The following SLC13A4 variants were observed in gnomAD, a reference collection of about 807,000 sequenced individuals.
The protein encoded by SLC13A4 is solute carrier family 13 member 4.
Under a neutral mutation model 72.7 loss-of-function variants are expected in SLC13A4, and 28 were observed. The observed-to-expected ratio is 0.39, with a 90% CI of 0.29 to 0.53. The LOEUF is 0.53. SLC13A4 is among the 20% of genes least tolerant of loss of function. The pLI is 0.78. For synonymous variants in SLC13A4, 312 were observed against 325.5 expected, an observed-to-expected ratio of 0.96 and a Z score of 0.45; for missense variants, 653 against 788.0, an observed-to-expected ratio of 0.83 and a Z score of 2.05.
chr7:135,719,678 C>T (rs139821460), intron 2 of SLC13A4, among the ~76,000 whole-genome samples: 3 of 152,108 alleles, frequency 2.0e-5, no homozygotes, highest in East Asian at 1.9e-4. Context: ...TGGGTCCCCA[C>T]GATATTGGGG....
At chr7:135,724,105 AC>A (rs1380535749) in intron 1 of SLC13A4, among the ~76,000 whole-genome samples, 1 of 152,174 alleles carries the variant, frequency 6.6e-6, no homozygotes, top group African/African-American at 2.4e-5. Context: ...CTCACTGGGG[AC>A]CCTTATTTCT....
intron 1 of SLC13A4, among the ~76,000 whole-genome samples, chr7:135,724,561 T>G (rs1006259544): frequency 2.0e-5 from 3 of 150,830 alleles, no homozygotes; most frequent in Non-Finnish European, 4.4e-5. Flanking sequence ...GGACTTTCCC[T>G]CTGCCAGGTG....
chr7:135,693,907 C>T (rs1795846518), intron 10 of SLC13A4, among the ~76,000 whole-genome samples: 1 of 152,200 alleles, frequency 6.6e-6, no homozygotes, highest in African/African-American at 2.4e-5. Context: ...CACTCCACCC[C>T]ATGCCATGGC....
intron 10 of SLC13A4, 82 bp from the exon 11 acceptor site, chr7:135,692,506 A>G: frequency 2.0e-6 from 2 of 978,140 alleles, no homozygotes; most frequent in Non-Finnish European, 3.1e-6. Flanking sequence ...AAGCTTCTGT[A>G]TTTAGAGTTT....
In SLC13A4 at chr7:135,685,556, G is replaced by C; in HGVS notation, c.1574C>G (p.Thr525Ser). The C allele has an allele frequency of 6.2e-7, 1 of 1,614,192 alleles. No homozygotes were observed. Among genetic ancestry groups the C allele is most frequent in the South Asian group, 1.1e-5 (1 of 91,082 alleles). Residue 525 changes from threonine to serine, a missense_variant, in exon 14 of 16, where the codon ACC becomes AGC. Physicochemically the swap from Thr to Ser is moderately conservative, Grantham distance 58. Transcript: ENST00000682651. ...IVTEFVSNPA[T>S]ITIFLPILCS... ...CAGGATGGGCAGGAAGATGGTGATGGTTGCTGGGTTGCTCACAAACTCAGT... is the reference window on the plus strand; with the variant it reads ...CAGGATGGGCAGGAAGATGGTGATGCTTGCTGGGTTGCTCACAAACTCAGT...
At chr7:135,684,300 G>T (rs200678196) in intron 14 of SLC13A4, 39 bp from the exon 15 acceptor site, 11 of 1,566,090 alleles carry the variant, frequency 7.0e-6, no homozygotes, top group Non-Finnish European at 9.6e-6. Context: ...ACGAGATTAG[G>T]CTTGCATTTC....
At chr7:135,695,304 A>G in intron 9 of SLC13A4, 64 bp downstream of exon 9, 4 of 1,604,504 alleles carry the variant, frequency 2.5e-6, no homozygotes, top group Non-Finnish European at 3.4e-6. Flanking sequence ...TCCAGGGCCC[A>G]TGCCATGGCC....
chr7:135,703,950 CA>C (rs1308012139), intron 5 of SLC13A4: 1 of 152,268 alleles, frequency 6.6e-6, no homozygotes, highest in African/African-American at 2.4e-5. Flanking sequence ...GTGGTGGCCG[CA>C]AGAGTGCTGT....
chr7:135,705,650 C>T lies in SLC13A4; in HGVS notation c.539G>A (p.Ser180Asn). The T allele has an allele frequency of 1.9e-6, 3 of 1,613,872 alleles. No individual in the cohort carries two copies. Among genetic ancestry groups the T allele is most frequent in the South Asian group, 1.1e-5 (1 of 91,070 alleles). The change falls in exon 5 of 16, where the codon AGT (serine) becomes AAT (asparagine). Residue 180 changes from serine to asparagine, a missense_variant and splice_region_variant. By Grantham distance (46) the Ser-to-Asn change is conservative (BLOSUM62 1). Transcript: ENST00000682651. ...NSNTEEAEPISLDVKNSQPSL... is the reference protein window; with the variant it reads ...NSNTEEAEPINLDVKNSQPSL... ...AGGTTGGCTGTTCTTTACATCCAGA[C>T]CTATGAGTAGCAAAGAAAAGCAGTA...
In SLC13A4 at chr7:135,727,943, T is replaced by C. The variant is rs1796703889; in HGVS notation, c.-447A>G. ...GAGCACATTGTGCTCTCCATCAGTTTTCCTCCCTCGGATGACCTATTTTGG... is the reference window on the plus strand; with the variant it reads ...GAGCACATTGTGCTCTCCATCAGTTCTCCTCCCTCGGATGACCTATTTTGG... On this transcript the variant is annotated 5_prime_UTR_variant, in exon 1 of 16. Transcript: ENST00000682651. 6.5e-6 allele frequency: 1 copy of C among 153,612 alleles called. No homozygotes were observed. The highest frequency in any genetic ancestry group is 6.5e-5 in the Admixed American group (1 of 15,334). 9.5% of individuals were successfully genotyped at this position (153,612 alleles called of 1,614,324 possible).
intron 7 of SLC13A4, 67 bp downstream of exon 7, chr7:135,701,613 G>A: frequency 4.0e-6 from 6 of 1,492,050 alleles, no homozygotes; most frequent in Non-Finnish European, 5.6e-6. Context: ...TTCAAGACCA[G>A]TGCCCTTGGG....
chr7:135,714,963 A>C (rs1270691668), intron 2 of SLC13A4, among the ~76,000 whole-genome samples: 1 of 150,784 alleles, frequency 6.6e-6, no homozygotes, highest in Non-Finnish European at 1.5e-5. Flanking sequence ...AGTGTGTGTG[A>C]GTGTGTATGT....
chr7:135,704,557 C>T (rs1278730145), intron 5 of SLC13A4: 1 of 151,964 alleles, frequency 6.6e-6, no homozygotes, highest in Non-Finnish European at 1.5e-5. Flanking sequence ...AGAAGCTCAA[C>T]TCCCTCCCCC....
rs777977645 is a variant in SLC13A4, at chr7:135,708,067, G to T, written c.365+47C>A. ...AGACCACTGTCCTGGTGGCACACTG[G>T]GAGCTAGAAGGATGCCCTATGTCCT... On this transcript the variant is annotated intron_variant, in intron 3 of 15. Transcript: ENST00000682651. 1.3e-5 allele frequency: 21 copies of T among 1,593,012 alleles called. 1 individual carries two copies. In the South Asian group the frequency reaches 2.3e-4, roughly 18 times the overall value.
intron 1 of SLC13A4, among the ~76,000 whole-genome samples, chr7:135,723,634 G>A (rs769835369): frequency 3.3e-5 from 5 of 152,106 alleles, no homozygotes; most frequent in Non-Finnish European, 7.3e-5. Context: ...TGCTGTTTAT[G>A]GCCCCTTGAG....
Position 135,721,444 on chromosome 7 carries a change from A to C in SLC13A4, c.179T>G (p.Leu60Arg). Residue 60 changes from leucine to arginine, a missense_variant, in exon 2 of 16, where the codon CTG becomes CGG. Coordinates refer to ENST00000682651, the MANE Select transcript of SLC13A4 (RefSeq NM_001318192.2). ...SEAVPLGAAA[L>R]VPAFLYPFFG... ...GAACGGGTAAAGGAAGGCCGGCACC[A>C]GGGCTGCAGCTCCCAGAGGCACTGC... The C allele has an allele frequency of 1.2e-6, 2 of 1,614,150 alleles. No homozygotes were observed. The highest frequency in any genetic ancestry group is 1.7e-6 in the Non-Finnish European group (2 of 1,180,006).
intron 2 of SLC13A4, among the ~76,000 whole-genome samples, chr7:135,713,301 C>T (rs1483445229): frequency 6.6e-6 from 1 of 152,146 alleles, no homozygotes; most frequent in Non-Finnish European, 1.5e-5. Flanking sequence ...CAGTATGCCA[C>T]ATCACTGAAC....
At chr7:135,703,318 A>G (rs1796083495) in intron 5 of SLC13A4, 1 of 173,134 alleles carries the variant, frequency 5.8e-6, no homozygotes, top group Non-Finnish European at 1.3e-5. Context: ...GTCTCTCTGG[A>G]AAGCCTATGC....
At chr7:135,716,133 TG>T (rs1346764155) in intron 2 of SLC13A4, among the ~76,000 whole-genome samples, 2 of 152,136 alleles carry the variant, frequency 1.3e-5, no homozygotes, top group African/African-American at 4.8e-5. Context: ...GCCTGGAGTG[TG>T]GAGCCATGGA....
Sources: gnomAD v4.1 joint callset for allele counts (sites outside exome capture counted in the v4.1 genomes callset) on GRCh38, gnomAD v4.1.1 for gene constraint, MANE v1.5 for transcripts, NCBI Gene and HGNC (gene_info 2026-07-23, HGNC 2026-07-21) for gene names.